Variants in FADS2 observed in about 807,000 individuals in gnomAD.
FADS2 encodes the protein acyl-CoA 6-desaturase.
Under a neutral mutation model 61.2 loss-of-function variants are expected in FADS2, and 18 were observed. The observed-to-expected ratio is 0.29, with a 90% CI of 0.20 to 0.44. FADS2 has a LOEUF of 0.44. FADS2 is among the 20% of genes least tolerant of loss of function. The pLI is 1.00. For synonymous variants in FADS2, 203 were observed against 223.9 expected, an observed-to-expected ratio of 0.91 and a Z score of 0.83; for missense variants, 322 against 572.7, an observed-to-expected ratio of 0.56 and a Z score of 4.47.
intron 4 of FADS2, among the ~76,000 whole-genome samples, chr11:61,844,145 A>G (rs966581881): frequency 6.6e-6 from 1 of 152,250 alleles, no homozygotes; most frequent in African/African-American, 2.4e-5. Context: ...TAGTTAAAAA[A>G]ATATTTAACA....
rs2067188078 is a variant in FADS2, at chr11:61,837,935, G to A, written c.318+47G>A. 5.9e-6 allele frequency: 8 copies of A among 1,363,434 alleles called. No homozygotes were observed. The Middle Eastern group carries it at 1.3e-3, about 214-fold the overall frequency. 84.5% of individuals were successfully genotyped at this position (1,363,434 alleles called of 1,614,324 possible). A position where few individuals can be genotyped will look rare whatever the true frequency, so the allele number is the denominator to read the frequency against. On this transcript the variant is annotated intron_variant, in intron 2 of 11. Transcript: ENST00000278840. ...GGTGGGGGTGGAGACGAGGCTGGGG[G>A]TGGCTGGGAGTCTGAGAGAGGCTCC...
intron 3 of FADS2, 42 bp from the exon 4 acceptor site, chr11:61,840,582 T>C (rs1565330276): frequency 1.2e-6 from 2 of 1,613,512 alleles, no homozygotes; most frequent in East Asian, 4.5e-5. Context: ...CTGGTGCCTG[T>C]TTGCTGAGGC....
chr11:61,847,803 C>T (rs1435208429), intron 4 of FADS2: 3 of 274,948 alleles, frequency 1.1e-5, no homozygotes, highest in South Asian at 4.4e-5. Context: ...CCTGAAACCT[C>T]GGCTTTACCT....
In FADS2 at chr11:61,857,540, G is replaced by A; in HGVS notation, c.882+10G>A. 1 of 1,611,050 alleles carries A rather than the reference G, an allele frequency of 6.2e-7. No individual in the cohort carries two copies. The highest frequency in any genetic ancestry group is 8.5e-7 in the Non-Finnish European group (1 of 1,177,336). ...CCATAAGAACTGGGTGGTGAGTTGG[G>A]GACACAGCTGGCTTGGCATGGGGAG... On this transcript the variant is annotated intron_variant, in intron 7 of 11. Transcript: ENST00000278840.
intron 1 of FADS2, among the ~76,000 whole-genome samples, chr11:61,821,097 C>T (rs1387669992): frequency 6.6e-6 from 1 of 152,090 alleles, no homozygotes; most frequent in African/African-American, 2.4e-5. Context: ...CCTTGCAGGC[C>T]CTGTTGATCC....
At chr11:61,831,888 T>A (rs1202037909) in intron 1 of FADS2, among the ~76,000 whole-genome samples, 1 of 152,178 alleles carries the variant, frequency 6.6e-6, no homozygotes, top group Non-Finnish European at 1.5e-5. Context: ...AAAGGAACCC[T>A]CACCCGCGCC....
chr11:61,865,228 A>G lies in FADS2; in HGVS notation c.1234A>G (p.Ile412Val), dbSNP rs374653405. Reference protein sequence around the residue: ...LVKSLCAKHGIEYQEKPLLRA... With the variant: ...LVKSLCAKHGVEYQEKPLLRA... ...GAAGTCTCTATGTGCCAAGCATGGC[A>G]TTGAATACCAGGAGAAGCCGCTACT... The change falls in exon 11 of 12, where the codon ATT becomes GTT. Residue 412 changes from isoleucine (I) to valine (V), a missense_variant. This residue lies in a region of FADS2 where 221 missense variants were observed against 427.9 expected (regional missense o/e 0.52). Coordinates refer to ENST00000278840, the MANE Select transcript of FADS2 (RefSeq NM_004265.4). This position sits in a 1 kb window ranked among gnomAD's most constrained non-coding sequence, Gnocchi z 4.1. The G allele has an allele frequency of 1.3e-5, 21 of 1,613,702 alleles. No homozygotes were observed. The highest frequency in any genetic ancestry group is 1.7e-4 in the Middle Eastern group (1 of 5,994).
At chr11:61,827,981 C>G (rs2067097076), upstream of FADS2, 12 of 1,004,724 alleles carry the variant, frequency 1.2e-5, no homozygotes, top group Non-Finnish European at 1.5e-5. This position sits in a 1 kb window ranked among gnomAD's most constrained non-coding sequence, Gnocchi z 4.5. Flanking sequence ...TTGGTGCAGG[C>G]GCTCTGCTGA....
At chr11:61,827,340 C>G (rs765721312), upstream of FADS2, 1 of 152,424 alleles carries the variant, frequency 6.6e-6, no homozygotes, top group South Asian at 2.1e-4. The surrounding 1 kb of genome is among the most constrained non-coding windows in gnomAD (Gnocchi z 4.5). Flanking sequence ...GGGCAAGGAC[C>G]GCGCCAGTTC....
chr11:61,852,068 GGT>G (rs1157546906), intron 5 of FADS2, among the ~76,000 whole-genome samples: 2 of 152,256 alleles, frequency 1.3e-5, no homozygotes, highest in East Asian at 3.9e-4. Flanking sequence ...ACCCCCATGA[GGT>G]GGCATTGCTT....
intron 1 of FADS2, among the ~76,000 whole-genome samples, chr11:61,823,173 C>T (rs1282631706): frequency 6.6e-6 from 1 of 152,216 alleles, no homozygotes; most frequent in African/African-American, 2.4e-5. Context: ...CAACGAAGCA[C>T]TAGACTCTGG....
intron 1 of FADS2, among the ~76,000 whole-genome samples, chr11:61,834,421 G>A (rs1045494082): frequency 2.0e-5 from 3 of 152,214 alleles, no homozygotes; most frequent in African/African-American, 7.2e-5. Context: ...GGGGCTTGAG[G>A]CCTAAGGGAG....
chr11:61,821,050 A>G (rs1249513750), intron 1 of FADS2, among the ~76,000 whole-genome samples: 1 of 152,216 alleles, frequency 6.6e-6, no homozygotes, highest in Non-Finnish European at 1.5e-5. Context: ...ACAGACTGCA[A>G]TAAACCCATA....
At chr11:61,847,880 C>G (rs2067273434) in intron 4 of FADS2, 1 of 402,930 alleles carries the variant, frequency 2.5e-6, no homozygotes, top group Non-Finnish European at 4.7e-6. Flanking sequence ...TGCTGGAGCG[C>G]TCACCGTGTG....
At position 61,819,419 on chromosome 11, in the gene FADS2, G is replaced by A. The variant is rs112699697; in HGVS notation, c.141+2993G>A. 2.0e-3 allele frequency among the ~76,000 whole-genome samples: 311 copies of A among 152,194 alleles called. 4 individuals carry two copies. Among genetic ancestry groups the A allele is most frequent in the African/African-American group, 7.3e-3 (303 of 41,516 alleles). ...AAATCGGCTGGGCGTGGCGGCGTGC[G>A]CCTGTAGTCCCAGCTACTCGGGAGG... On this transcript the variant is annotated intron_variant, in intron 1 of 11. Coordinates refer to the FADS2 transcript ENST00000257261.
chr11:61,832,616 G>A (rs1421639788), intron 1 of FADS2, among the ~76,000 whole-genome samples: 2 of 152,216 alleles, frequency 1.3e-5, no homozygotes, highest in Non-Finnish European at 2.9e-5. Context: ...TGGCCACAGA[G>A]CACTGCCCCA....
chr11:61,857,383 TGGGTTCCC>T, intron 6 of FADS2, 63 bp from the exon 7 acceptor site: 1 of 1,406,102 alleles, frequency 7.1e-7, no homozygotes. Context: ...GTGCTGGGCC[TGGGTTCCC>T]CTGACCTTCC....
intron 7 of FADS2, among the ~76,000 whole-genome samples, chr11:61,861,353 CAAAAA>C (rs58136105): frequency 3.4e-5 from 1 of 29,728 alleles, no homozygotes; most frequent in East Asian, 1.6e-3. Context: ...GACTCCCTCT[CAAAAA>C]AAAAAAAAAA....
At position 61,863,057 on chromosome 11, in the gene FADS2, T is replaced by G. The variant is rs2067431340; in HGVS notation, c.968T>G (p.Leu323Arg). Residue 323 changes from leucine to arginine, a missense_variant, in exon 8 of 12, where the codon CTC becomes CGC. Leu to Arg is a moderately radical substitution (Grantham distance 102, BLOSUM62 -2). Around this residue, in one of 3 missense-constraint regions of FADS2, gnomAD observed 221 missense variants for 427.9 expected, o/e 0.52. Coordinates refer to ENST00000278840, the MANE Select transcript of FADS2 (RefSeq NM_004265.4). The stretch of plus-strand genomic sequence containing the variant: ...GGCATCCTGGGAGCCCTCCTTTTCC[T>G]CAACTTCATCAGGTGCCTGGGCTTT... ...FYGILGALLF[L>R]NFIRFLESHW... 6.2e-7 allele frequency: 1 copy of G among 1,613,852 alleles called. No homozygotes were observed.
Sources: allele counts gnomAD v4.1 joint callset (sites outside exome capture counted in the v4.1 genomes callset), GRCh38; gene constraint gnomAD v4.1.1; regional missense constraint gnomAD v4.1.1; non-coding constraint Gnocchi (gnomAD v3.1); transcripts MANE v1.5; gene names NCBI Gene and HGNC (gene_info 2026-07-23, HGNC 2026-07-21).